Variants in KDM3B observed in about 807,000 individuals in gnomAD.
The protein encoded by KDM3B is lysine-specific demethylase 3B.
A neutral mutation model predicts 170.0 loss-of-function variants in KDM3B; 10 were observed. The ratio of observed to expected loss-of-function variants is 0.06; its 90% CI spans 0.04 to 0.10. The LOEUF (loss-of-function observed/expected upper bound fraction) is 0.10, where lower values mean the gene tolerates loss of function less well. KDM3B is among the 10% of genes least tolerant of loss of function. The pLI is 1.00. For missense variants in KDM3B, 1,394 were observed against 2,195.2 expected (o/e 0.64, Z 7.29); for synonymous variants, 831 against 834.8 (o/e 1.00, Z 0.08).
At chr5:138,435,512 C>A in intron 23 of KDM3B, 108 bp from the exon 24 acceptor site, 1 of 779,250 alleles carries the variant, frequency 1.3e-6, no homozygotes, top group Non-Finnish European at 2.2e-6. Context: ...CAGGAACGCA[C>A]AGTCCTTTTT....
chr5:138,419,667 A>AT (rs1292306281), intron 14 of KDM3B, among the ~76,000 whole-genome samples: 3,381 of 121,742 alleles, frequency 0.028, 187 homozygotes, highest in African/African-American at 0.049. Flanking sequence ...AAAAAAAAAA[A>AT]AATATATATA....
At chr5:138,376,887 C>T (rs1762013736) in intron 3 of KDM3B, among the ~76,000 whole-genome samples, 1 of 152,016 alleles carries the variant, frequency 6.6e-6, no homozygotes, top group African/African-American at 2.4e-5. Context: ...AAACCAGCGT[C>T]TGAGTTATAG....
At chr5:138,372,341 A>G (rs1479881727) in intron 1 of KDM3B, among the ~76,000 whole-genome samples, 3 of 152,220 alleles carry the variant, frequency 2.0e-5, no homozygotes, top group African/African-American at 7.2e-5. Context: ...AACCTAGTAT[A>G]GTACCTTATA....
chr5:138,428,507 G>A (rs1032830934), intron 20 of KDM3B, among the ~76,000 whole-genome samples: 4 of 152,062 alleles, frequency 2.6e-5, no homozygotes, highest in Admixed American at 6.6e-5. Flanking sequence ...CACTGCACCC[G>A]GCTTCTTTTT....
At chr5:138,435,589 G>T in intron 23 of KDM3B, 31 bp from the exon 24 acceptor site, 1 of 1,579,140 alleles carries the variant, frequency 6.3e-7, no homozygotes, top group Non-Finnish European at 8.7e-7. Flanking sequence ...TGGGGCTGCT[G>T]TGAACTGACT....
At chr5:138,353,066 G>A in intron 1 of KDM3B, 79 bp downstream of exon 1, 2 of 1,075,234 alleles carry the variant, frequency 1.9e-6, no homozygotes, top group Non-Finnish European at 2.3e-6. Flanking sequence ...CTTTGTGAGG[G>A]GGCGGTGGGA....
At chr5:138,365,785 G>T (rs189867420) in intron 1 of KDM3B, among the ~76,000 whole-genome samples, 142 of 151,970 alleles carry the variant, frequency 9.3e-4, no homozygotes, top group African/African-American at 3.3e-3. Context: ...GATCACTTGA[G>T]GTCAAGAGTT....
chr5:138,419,661 A>AAAAAT (rs1457221263), intron 14 of KDM3B, among the ~76,000 whole-genome samples: 4 of 123,532 alleles, frequency 3.2e-5, no homozygotes, highest in Non-Finnish European at 5.0e-5. Context: ...TCAAAAAAAA[A>AAAAAT]AAAAAAAATA....
intron 1 of KDM3B, among the ~76,000 whole-genome samples, chr5:138,357,173 G>A (rs1761472311): frequency 6.6e-6 from 1 of 151,912 alleles, no homozygotes; most frequent in South Asian, 2.1e-4. Flanking sequence ...TTGTTGTAGA[G>A]ATGGGGTTTC....
intron 12 of KDM3B, 33 bp from the exon 13 acceptor site, chr5:138,417,449 TG>T: frequency 6.2e-7 from 1 of 1,607,168 alleles, no homozygotes; most frequent in Non-Finnish European, 8.5e-7. Context: ...ATGAGTATTC[TG>T]GTGTTATTTT....
rs1306213989 is a variant in KDM3B, at chr5:138,372,600, G to T, written c.193-74G>T. On this transcript the variant is annotated intron_variant, in intron 1 of 23. Transcript: ENST00000314358. ...CTAGTCAGTTGTTCAAAACAGTGGG[G>T]TTTATGTTCATTTATAAGTATAGTG... 3.9e-6 allele frequency: 5 copies of T among 1,295,814 alleles called. No homozygotes were observed. The East Asian group carries it at 1.2e-4, about 30-fold the overall frequency. The allele number at this position is 1,295,814 out of a possible 1,614,324, so 80.3% of individuals were successfully genotyped here. A position where few individuals can be genotyped will look rare whatever the true frequency, so the allele number is the denominator to read the frequency against.
At chr5:138,373,017 G>A (rs530216376) in intron 2 of KDM3B, among the ~76,000 whole-genome samples, 176 bp downstream of exon 2, 33 of 152,288 alleles carry the variant, frequency 2.2e-4, no homozygotes, top group Non-Finnish European at 4.7e-4. Context: ...CCTCCAAAAT[G>A]TTTTATATTA....
rs1763505413 is a variant in KDM3B, at chr5:138,430,601, T to C, written c.5070+176T>C. On this transcript the variant is annotated intron_variant, in intron 22 of 23. Transcript: ENST00000314358. ...AACATTAAGGCTCATTTAAAAAATTTTAAACAGGGCGGTCCTGGTAGCTCA... is the reference window on the plus strand; with the variant it reads ...AACATTAAGGCTCATTTAAAAAATTCTAAACAGGGCGGTCCTGGTAGCTCA... Among the ~76,000 whole-genome samples the C allele has an allele frequency of 2.6e-5, 4 of 152,172 alleles. No individual in the cohort carries two copies. In the South Asian group the frequency reaches 6.2e-4, roughly 24 times the overall value.
chr5:138,388,692 A>G (rs763802426), intron 7 of KDM3B, among the ~76,000 whole-genome samples: 8 of 150,904 alleles, frequency 5.3e-5, no homozygotes, highest in Non-Finnish European at 1.0e-4. Flanking sequence ...TGTGTCTGTA[A>G]TCCTAGCTAC....
chr5:138,374,444 G>A (rs1761946967), intron 2 of KDM3B: 1 of 288,968 alleles, frequency 3.5e-6, no homozygotes, highest in African/African-American at 2.3e-5. Context: ...ATTTTTAGTA[G>A]AGACAGGGTT....
rs759072149 is a variant in KDM3B, at chr5:138,435,604, T to C, written c.5206-16T>C. 2.5e-6 allele frequency: 4 copies of C among 1,609,142 alleles called. No individual in the cohort carries two copies. The highest frequency in any genetic ancestry group is 2.7e-5 in the African/African-American group (2 of 74,830). On this transcript the variant is annotated splice_polypyrimidine_tract_variant and intron_variant, in intron 23 of 23. Transcript: ENST00000314358. ...TGGGGCTGCTGTGAACTGACTTTGC[T>C]GTACACCTTCTCTAGGTGAAGAACA... is the stretch of plus-strand genomic sequence containing the variant.
At chr5:138,393,796 A>G (rs1051273222) in intron 9 of KDM3B, among the ~76,000 whole-genome samples, 7 of 152,198 alleles carry the variant, frequency 4.6e-5, no homozygotes, top group Non-Finnish European at 8.8e-5. Flanking sequence ...CATCTTTGAA[A>G]TAGATATAAC....
chr5:138,431,304 A>T, intron 22 of KDM3B, 121 bp from the exon 23 acceptor site: 1 of 827,196 alleles, frequency 1.2e-6, no homozygotes, highest in Non-Finnish European at 1.8e-6. Context: ...CTGTGTTGTT[A>T]TAAAAATGGA....
chr5:138,419,582 G>T (rs796090108), intron 14 of KDM3B, among the ~76,000 whole-genome samples: 12 of 149,234 alleles, frequency 8.0e-5, no homozygotes, highest in African/African-American at 3.0e-4. Flanking sequence ...ATGAACCTGG[G>T]GGGCACAGCC....
Sources: allele counts gnomAD v4.1 joint callset (sites outside exome capture counted in the v4.1 genomes callset), GRCh38; gene constraint gnomAD v4.1.1; transcripts MANE v1.5; gene names NCBI Gene and HGNC (gene_info 2026-07-23, HGNC 2026-07-21).